Variants in TULP4 observed in about 807,000 individuals in gnomAD.
TULP4 encodes tubby-related protein 4.
In TULP4, 16 loss-of-function variants were observed where a neutral mutation model predicts 129.0. That is an observed-to-expected ratio of 0.12 (90% confidence interval 0.08 to 0.19). TULP4 has a LOEUF of 0.19. TULP4 is among the 10% of genes least tolerant of loss of function. The pLI is 1.00. For synonymous variants in TULP4, 998 were observed against 854.0 expected (o/e 1.17, Z -2.94); for missense variants, 1,842 against 2,059.1 (o/e 0.89, Z 2.04).
chr6:158,469,210 T>C (rs554152222), intron 6 of TULP4, among the ~76,000 whole-genome samples: 1 of 151,478 alleles, frequency 6.6e-6, no homozygotes, highest in African/African-American at 2.4e-5. Flanking sequence ...TTCAGAGAGA[T>C]TGTAAGAGAT....
chr6:158,328,081 T>G (rs1218602223), intron 1 of TULP4, among the ~76,000 whole-genome samples: 4 of 26,024 alleles, frequency 1.5e-4, no homozygotes, highest in East Asian at 5.3e-4. Context: ...TCAGAGCTGG[T>G]GTGTGTGTGT....
intron 1 of TULP4, among the ~76,000 whole-genome samples, chr6:158,403,460 G>A (rs944627734): frequency 2.0e-5 from 3 of 152,030 alleles, no homozygotes; most frequent in Admixed American, 6.5e-5. Flanking sequence ...CTGCCTTAGC[G>A]TCCCGAGTAG....
At chr6:158,389,799 A>C (rs1302232435) in intron 1 of TULP4, among the ~76,000 whole-genome samples, 1 of 152,138 alleles carries the variant, frequency 6.6e-6, no homozygotes, top group East Asian at 1.9e-4. Context: ...TGAGGTTAGA[A>C]TATCTATTGT....
intron 1 of TULP4, among the ~76,000 whole-genome samples, chr6:158,265,315 A>G (rs903175506): frequency 6.6e-6 from 1 of 152,030 alleles, no homozygotes; most frequent in Non-Finnish European, 1.5e-5. Context: ...TTTTATGACA[A>G]CTTTACTTAC....
Position 158,236,803 on chromosome 6 carries a change from T to C in TULP4, n.68+4500T>C, listed in dbSNP as rs1402394131. On this transcript the variant is annotated intron_variant and non_coding_transcript_variant, in intron 1 of 1. Transcript: ENST00000620026. ...AAATGCCCAATTCTTTTCTTTTTTT[T>C]TTTTTTTTTTTTTTTTTTTTTTTTT... Among the ~76,000 whole-genome samples the C allele has an allele frequency of 5.0e-4, 21 of 41,602 alleles. 3 individuals are homozygous for C. Among genetic ancestry groups the C allele is most frequent in the African/African-American group, 1.5e-3 (17 of 11,102 alleles). The allele number at this position is 41,602 out of a possible 152,430, so 27.3% of individuals were successfully genotyped here. A position where few individuals can be genotyped will look rare whatever the true frequency, so the allele number is the denominator to read the frequency against.
chr6:158,416,751 ACTCT>A (rs547214362), intron 2 of TULP4, among the ~76,000 whole-genome samples: 205 of 152,102 alleles, frequency 1.3e-3, no homozygotes, highest in Non-Finnish European at 2.1e-3. Flanking sequence ...CTCTCCACTC[ACTCT>A]CTGGCTCACC....
At chr6:158,325,994 A>G (rs1187180459) in intron 1 of TULP4, among the ~76,000 whole-genome samples, 5 of 143,080 alleles carry the variant, frequency 3.5e-5, no homozygotes, top group Admixed American at 7.7e-5. Flanking sequence ...CTTCATTCCC[A>G]TCTCGTTAGG....
At chr6:158,395,668 C>CAGGGGGCG (rs370844233) in intron 1 of TULP4, among the ~76,000 whole-genome samples, 1 of 83,058 alleles carries the variant, frequency 1.2e-5, no homozygotes. Flanking sequence ...AAGTGATGGG[C>CAGGGGGCG]GGGGGGGGGG....
intron 6 of TULP4, among the ~76,000 whole-genome samples, chr6:158,462,330 G>A (rs1475772447): frequency 9.3e-5 from 14 of 150,912 alleles, no homozygotes; most frequent in Non-Finnish European, 1.9e-4. Context: ...TTCTCTTCTT[G>A]GTGCAGAGAG....
intron 6 of TULP4, among the ~76,000 whole-genome samples, chr6:158,478,333 G>T (rs1203105939): frequency 1.3e-5 from 2 of 152,212 alleles, no homozygotes; most frequent in Non-Finnish European, 2.9e-5. Flanking sequence ...TAAAGGGACA[G>T]CAGCGTATCT....
chr6:158,238,297 G>T, intron 1 of TULP4: 1 of 1,112,636 alleles, frequency 9.0e-7, no homozygotes, highest in Admixed American at 1.8e-5. Flanking sequence ...GCAGAGCTGG[G>T]CACCTTGGGT....
intron 3 of TULP4, among the ~76,000 whole-genome samples, chr6:158,437,016 C>T (rs1778768355): frequency 3.3e-5 from 5 of 152,176 alleles, no homozygotes; most frequent in African/African-American, 9.7e-5. Flanking sequence ...TCCCTGAGGC[C>T]ACTGTGTCTT....
At chr6:158,432,388 G>A (rs1295656778) in intron 3 of TULP4, among the ~76,000 whole-genome samples, 1 of 152,146 alleles carries the variant, frequency 6.6e-6, no homozygotes, top group African/African-American at 2.4e-5. Flanking sequence ...CAGGGGCTCT[G>A]AACGGTGGAC....
chr6:158,326,601 T>C (rs1263831420), intron 1 of TULP4, among the ~76,000 whole-genome samples: 1 of 152,232 alleles, frequency 6.6e-6, no homozygotes, highest in East Asian at 1.9e-4. Context: ...ACTTTTAATC[T>C]CTGTAAATGT....
At chr6:158,240,746 G>T (rs1474304654) in intron 1 of TULP4, among the ~76,000 whole-genome samples, 1 of 134,606 alleles carries the variant, frequency 7.4e-6, no homozygotes, top group African/African-American at 2.6e-5. Context: ...CGGGCGGGGG[G>T]CTGACCCCCC....
rs112372831 is a variant in TULP4 at position 158,276,470 on chromosome 6, AT to A, written n.69-35567del. On this transcript the variant is annotated intron_variant and non_coding_transcript_variant, in intron 1 of 1. Transcript: ENST00000620026. ...CAGGTGTGCAACCACCCCCTGGCTA[AT>A]TTTTTTTTTTTTTATAGTAGACATG... 2.7e-3 allele frequency among the ~76,000 whole-genome samples: 383 copies of A among 144,018 alleles called. 1 individual carries two copies. Among genetic ancestry groups the A allele is most frequent in the Admixed American group, 3.8e-3 (55 of 14,384 alleles). The allele number at this position is 144,018 out of a possible 152,430, so 94.5% of individuals were successfully genotyped here. A position where few individuals can be genotyped will look rare whatever the true frequency, so the allele number is the denominator to read the frequency against.
intron 1 of TULP4, among the ~76,000 whole-genome samples, chr6:158,331,607 G>T (rs1720436245): frequency 1.3e-5 from 2 of 149,980 alleles, no homozygotes; most frequent in South Asian, 2.2e-4. Flanking sequence ...TTTCAATGGG[G>T]AATGGTATTA....
chr6:158,493,804 T>C lies in TULP4; in HGVS notation c.1776+87T>C, dbSNP rs1398013386. 2.9e-6 allele frequency: 4 copies of C among 1,399,818 alleles called. No homozygotes were observed. Among genetic ancestry groups the C allele is most frequent in the South Asian group, 3.1e-5 (2 of 65,226 alleles). The allele number at this position is 1,399,818 out of a possible 1,614,324, so 86.7% of individuals were successfully genotyped here. On this transcript the variant is annotated intron_variant, in intron 10 of 13. Coordinates refer to ENST00000367097, the MANE Select transcript of TULP4 (RefSeq NM_020245.5). This position sits in a 1 kb window ranked among gnomAD's most constrained non-coding sequence, Gnocchi z 4.4. ...CCTTCCTACCCGCCGCCTGCACTGC[T>C]CACTGCCACCATGGGTCCCTGAGCT...
chr6:158,302,164 G>A (rs777055764), intron 1 of TULP4, among the ~76,000 whole-genome samples: 1 of 152,110 alleles, frequency 6.6e-6, no homozygotes, highest in Non-Finnish European at 1.5e-5. Context: ...GCTCAAAGTA[G>A]TGAAAGCACC....
Sources: gnomAD v4.1 joint callset for allele counts (sites outside exome capture counted in the v4.1 genomes callset) on GRCh38, gnomAD v4.1.1 for gene constraint, Gnocchi (gnomAD v3.1) non-coding constraint, MANE v1.5 for transcripts, NCBI Gene and HGNC (gene_info 2026-07-23, HGNC 2026-07-21) for gene names.